Variants in PRAMEF20 observed in about 807,000 individuals in gnomAD.
PRAMEF20 encodes the protein PRAME family member 20/21.
Under a neutral mutation model 32.4 loss-of-function variants are expected in PRAMEF20, and 27 were observed. The ratio of observed to expected loss-of-function variants is 0.83; its 90% CI spans 0.61 to 1.15. The LOEUF is 1.15. Ranked by LOEUF, PRAMEF20 falls within the 50% of genes most tolerant of loss-of-function variation. The pLI is 0.00. For missense variants in PRAMEF20, 604 were observed against 584.5 expected, an observed-to-expected ratio of 1.03 and a Z score of -0.34; for synonymous variants, 256 against 235.4, an observed-to-expected ratio of 1.09 and a Z score of -0.80.
At chr1:13,414,470 T>C (rs1641144254), upstream of PRAMEF20, among the ~76,000 whole-genome samples, 1 of 152,082 alleles carries the variant, frequency 6.6e-6, no homozygotes, top group Admixed American at 6.6e-5. Context: ...TACTAAAAGT[T>C]TTTTTTGAGA....
At chr1:13,412,052 A>ATTT (rs1641119819), upstream of PRAMEF20, among the ~76,000 whole-genome samples, 1 of 146,550 alleles carries the variant, frequency 6.8e-6, no homozygotes, top group East Asian at 2.1e-4. Flanking sequence ...TTATTTATTT[A>ATTT]ATTTAATTAA....
At chr1:13,418,066 G>C in intron 1 of PRAMEF20, 56 bp from the exon 3 acceptor site, 2 of 1,611,512 alleles carry the variant, frequency 1.2e-6, no homozygotes, top group Non-Finnish European at 1.7e-6. Flanking sequence ...GAGCCACTGA[G>C]CCCAGCCTCA....
exon 2 of PRAMEF20, chr1:13,418,132 C>T: frequency 6.2e-7 from 1 of 1,612,294 alleles, no homozygotes. Flanking sequence ...GAGGTGGAAA[C>T]TTCAAGTGCT....
At chr1:13,419,095 G>A (rs1404683575) in intron 2 of PRAMEF20, among the ~76,000 whole-genome samples, 1 of 152,108 alleles carries the variant, frequency 6.6e-6, no homozygotes, top group Non-Finnish European at 1.5e-5. Context: ...TAAGACCAGT[G>A]TGGGTAACAC....
chr1:13,412,795 A>G (rs988746328), upstream of PRAMEF20, among the ~76,000 whole-genome samples: 2 of 152,208 alleles, frequency 1.3e-5, no homozygotes, highest in South Asian at 2.1e-4. Context: ...GCGGGGGTGC[A>G]TGCCTGTAAT....
exon 2 of PRAMEF20, chr1:13,418,539 G>A: frequency 6.2e-7 from 1 of 1,613,976 alleles, no homozygotes; most frequent in African/African-American, 1.3e-5. Flanking sequence ...GGAATCTTCG[G>A]AAGCTCGTTC....
intron 1 of PRAMEF20, 143 bp from the exon 3 acceptor site, chr1:13,417,979 C>G: frequency 8.6e-7 from 1 of 1,156,900 alleles, no homozygotes. Context: ...TTTCACCATG[C>G]TAGCCAGGAT....
chr1:13,414,126 C>T (rs1202351438), upstream of PRAMEF20, among the ~76,000 whole-genome samples: 6 of 152,062 alleles, frequency 3.9e-5, no homozygotes, highest in Non-Finnish European at 8.8e-5. Flanking sequence ...ACTGCAACCT[C>T]CGACTCTCTG....
intron 1 of PRAMEF20, among the ~76,000 whole-genome samples, chr1:13,417,819 G>A (rs1337372151): frequency 2.8e-5 from 4 of 144,898 alleles, no homozygotes; most frequent in Admixed American, 1.4e-4. Context: ...TCAGCTCACT[G>A]CAAGCTCCGC....
chr1:13,412,645 T>A (rs1288645724), upstream of PRAMEF20, among the ~76,000 whole-genome samples: 4 of 151,030 alleles, frequency 2.6e-5, no homozygotes, highest in East Asian at 7.9e-4. Flanking sequence ...CATTTTCCTA[T>A]CTAGTTTTCA....
exon 3 of PRAMEF20, chr1:13,421,175 A>G (rs1455947927): frequency 2.1e-5 from 34 of 1,613,774 alleles, no homozygotes; most frequent in Non-Finnish European, 2.9e-5. Flanking sequence ...GGAGCCCGAG[A>G]GGATCTTGTT....
At chr1:13,418,230 A>G in exon 2 of PRAMEF20, 1 of 1,613,844 alleles carries the variant, frequency 6.2e-7, no homozygotes, top group Admixed American at 1.7e-5. Flanking sequence ...TGATGAACAG[A>G]AAACCACTGC....
At chr1:13,418,189 G>A in exon 2 of PRAMEF20, 1 of 1,613,780 alleles carries the variant, frequency 6.2e-7, no homozygotes, top group Non-Finnish European at 8.5e-7. Flanking sequence ...TTGGTCTGAA[G>A]CCATGGCCCG....
At chr1:13,414,742 G>A (rs1434605986), upstream of PRAMEF20, among the ~76,000 whole-genome samples, 1 of 151,808 alleles carries the variant, frequency 6.6e-6, no homozygotes, top group Non-Finnish European at 1.5e-5. Flanking sequence ...TGGGATAACA[G>A]GTGTGAACCA....
At chr1:13,414,689 T>A (rs994596362), upstream of PRAMEF20, among the ~76,000 whole-genome samples, 8 of 151,720 alleles carry the variant, frequency 5.3e-5, no homozygotes, top group Non-Finnish European at 8.8e-5. Context: ...AGTCTCCAAC[T>A]CCTGACCTCA....
At chr1:13,414,666 T>C (rs1342806777), upstream of PRAMEF20, among the ~76,000 whole-genome samples, 1 of 151,432 alleles carries the variant, frequency 6.6e-6, no homozygotes, top group Admixed American at 6.6e-5. Flanking sequence ...GGTGTCACCA[T>C]GGTGGCCAGG....
chr1:13,415,827 T>C (rs1163906291), upstream of PRAMEF20, among the ~76,000 whole-genome samples: 2 of 137,940 alleles, frequency 1.4e-5, no homozygotes, highest in Non-Finnish European at 3.1e-5. Context: ...GAGGGAGGGA[T>C]GAGGGAAAGA....
chr1:13,414,434 G>C (rs1641143617), upstream of PRAMEF20, among the ~76,000 whole-genome samples: 1 of 151,790 alleles, frequency 6.6e-6, no homozygotes, highest in Admixed American at 6.6e-5. Flanking sequence ...GGGGTATTGT[G>C]ATTTTACAAG....
chr1:13,414,208 A>ATTTTTTTTTTTTTT (rs149194621), upstream of PRAMEF20, among the ~76,000 whole-genome samples: 9 of 123,280 alleles, frequency 7.3e-5, no homozygotes, highest in Admixed American at 1.8e-4. Flanking sequence ...CACCTGACTA[A>ATTTTTTTTTTTTTT]TTTTTTTTTT....
Sources: allele counts gnomAD v4.1 joint callset (sites outside exome capture counted in the v4.1 genomes callset), GRCh38; gene constraint gnomAD v4.1.1; transcripts MANE v1.5; gene names NCBI Gene and HGNC (gene_info 2026-07-23, HGNC 2026-07-21).